TRPV4: variants seen among roughly 807,000 people sequenced by gnomAD.
TRPV4 encodes the protein transient receptor potential cation channel subfamily V member 4.
A neutral mutation model predicts 84.1 loss-of-function variants in TRPV4; 58 were observed. That is an observed-to-expected ratio of 0.69 (90% CI 0.56 to 0.86). The LOEUF (loss-of-function observed/expected upper bound fraction) is 0.86. Ranked by LOEUF, TRPV4 falls within the 40% of genes least tolerant of loss-of-function variation. The probability of loss-of-function intolerance (pLI) is 0.00; values close to 1 mark genes in which losing one functional copy is unlikely to be tolerated. For missense variants in TRPV4, 879 were observed against 1,181.1 expected (o/e 0.74, Z 3.75); for synonymous variants, 489 against 500.9 (o/e 0.98, Z 0.32).
Position 109,814,290 on chromosome 12 carries a change from T to C in TRPV4, c.386+121A>G. 1 of 1,150,056 alleles carries C rather than the reference T, an allele frequency of 8.7e-7. No homozygotes were observed. 71.2% of individuals were successfully genotyped at this position (1,150,056 alleles called of 1,614,324 possible). A position where few individuals can be genotyped will look rare whatever the true frequency, so the allele number is the denominator to read the frequency against. On this transcript the variant is annotated intron_variant, in intron 2 of 15. Coordinates refer to ENST00000261740, the MANE Select transcript of TRPV4 (RefSeq NM_021625.5). The surrounding 1 kb of genome is among the most constrained non-coding windows in gnomAD (Gnocchi z 5.4). Reference sequence around the variant, plus strand: ...ATGGATAGATGTATGGATGGTTGGATGGACAGATGGATGGATGGATGAATC... The same window carrying C: ...ATGGATAGATGTATGGATGGTTGGACGGACAGATGGATGGATGGATGAATC...
At chr12:109,811,610 A>G (rs1264700272) in intron 2 of TRPV4, among the ~76,000 whole-genome samples, 1 of 151,842 alleles carries the variant, frequency 6.6e-6, no homozygotes. Flanking sequence ...GTAAGCCAAG[A>G]TAGCGCCACT....
At position 109,783,762 on chromosome 12, in the gene TRPV4, C is replaced by G; in HGVS notation, c.2475G>C (p.Val825=). ...TGTTCAGTTCCACCACGCGGGGTAC[C>G]ACCGAGGACCAGCGATCTGCACCGA... ...GRLRRDRWSS[V]VPRVVELNKN... Residue 825 remains valine, a synonymous_variant, in exon 16 of 16, where the codon GTG becomes GTC. Coordinates refer to ENST00000261740, the MANE Select transcript of TRPV4 (RefSeq NM_021625.5). The surrounding 1 kb of genome is among the most constrained non-coding windows in gnomAD (Gnocchi z 4.6). 1 of 1,612,620 alleles carries G rather than the reference C, an allele frequency of 6.2e-7. No individual in the cohort carries two copies. Among genetic ancestry groups the G allele is most frequent in the South Asian group, 1.1e-5 (1 of 91,040 alleles).
intron 13 of TRPV4, 60 bp downstream of exon 13, chr12:109,788,340 G>T: frequency 6.5e-7 from 1 of 1,536,862 alleles, no homozygotes; most frequent in Non-Finnish European, 8.9e-7. Flanking sequence ...CAGTCGGGTG[G>T]GTCTCCTCGG....
intron 13 of TRPV4, among the ~76,000 whole-genome samples, 185 bp downstream of exon 13, chr12:109,788,215 A>G (rs1429799039): frequency 1.3e-5 from 2 of 152,234 alleles, no homozygotes; most frequent in African/African-American, 4.8e-5. Context: ...CCACCTCAAA[A>G]TTCACTAGGC....
At chr12:109,794,174 G>A (rs1471939965) in intron 8 of TRPV4, 152 bp from the exon 9 acceptor site, 6 of 1,179,998 alleles carry the variant, frequency 5.1e-6, no homozygotes, top group Non-Finnish European at 7.3e-6. Context: ...CCAGCTCAGG[G>A]CCACCCGTGG....
intron 1 of TRPV4, among the ~76,000 whole-genome samples, chr12:109,823,740 A>G (rs1010263697): frequency 7.9e-5 from 12 of 152,126 alleles, no homozygotes; most frequent in Admixed American, 2.6e-4. Flanking sequence ...ATGTCTGTAC[A>G]ACTCTGAATA....
At chr12:109,818,870 C>A (rs370935949) in intron 1 of TRPV4, among the ~76,000 whole-genome samples, 4 of 152,314 alleles carry the variant, frequency 2.6e-5, no homozygotes, top group South Asian at 4.1e-4. Context: ...TCCACCAAGC[C>A]CCTCTCTCAT....
rs552478250 is a variant in TRPV4 at position 109,783,522 on chromosome 12, G to A, written c.*99C>T. On this transcript the variant is annotated 3_prime_UTR_variant, in exon 16 of 16. Coordinates refer to ENST00000261740, the MANE Select transcript of TRPV4 (RefSeq NM_021625.5). This position sits in a 1 kb window ranked among gnomAD's most constrained non-coding sequence, Gnocchi z 4.6. ...ACCTCCACTGGTCCCTCGCCTCTGG[G>A]GCCAAAGCAGGGTGTGGGGGGACAC... The A allele has an allele frequency of 3.6e-4, 533 of 1,497,322 alleles. No individual in the cohort carries two copies. Among genetic ancestry groups the A allele is most frequent in the Non-Finnish European group, 4.6e-4 (515 of 1,110,798 alleles). The allele number at this position is 1,497,322 out of a possible 1,614,324, so 92.8% of individuals were successfully genotyped here.
rs762216782 is a variant in TRPV4 at position 109,792,456 on chromosome 12, G to A, written c.1825-27C>T. The A allele has an allele frequency of 3.1e-6, 5 of 1,610,936 alleles. No individual in the cohort carries two copies. The South Asian group carries it at 4.4e-5, about 14-fold the overall frequency. On this transcript the variant is annotated intron_variant, in intron 11 of 15. Coordinates refer to ENST00000261740, the MANE Select transcript of TRPV4 (RefSeq NM_021625.5). Reference sequence around the variant, plus strand: ...TAAAGACCCCAGCGGGATTATGGAGGCAAAGAGGAGACACATGGTTTCTCA... The same window carrying A: ...TAAAGACCCCAGCGGGATTATGGAGACAAAGAGGAGACACATGGTTTCTCA...
In TRPV4 at chr12:109,814,106, G is replaced by T. The variant is rs150924929; in HGVS notation, c.386+305C>A. ...GGAGAGATGAATGGATCGATGGATA[G>T]ATGTATGGATGGTTGGATGGATGGA... On this transcript the variant is annotated intron_variant, in intron 2 of 15. Coordinates refer to ENST00000261740, the MANE Select transcript of TRPV4 (RefSeq NM_021625.5). The surrounding 1 kb of genome is among the most constrained non-coding windows in gnomAD (Gnocchi z 5.4). 1.3e-5 allele frequency among the ~76,000 whole-genome samples: 2 copies of T among 152,152 alleles called. No individual in the cohort carries two copies. The highest frequency in any genetic ancestry group is 2.4e-5 in the African/African-American group (1 of 41,488).
chr12:109,794,148 C>CT (rs1890232634), intron 8 of TRPV4, 126 bp from the exon 9 acceptor site: 1 of 1,130,150 alleles, frequency 8.8e-7, no homozygotes, highest in African/African-American at 1.5e-5. Context: ...TCTCTTCCTC[C>CT]TGAGTCTTCC....
chr12:109,793,424 A>G lies in TRPV4; in HGVS notation c.1658+103T>C, dbSNP rs555170185. The stretch of plus-strand genomic sequence containing the variant: ...GGTTAGAGCTGCCCAGGTTGGGTGC[A>G]TTCATTTCTAACAGAATCACCTCTC... On this transcript the variant is annotated intron_variant, in intron 10 of 15. Coordinates refer to ENST00000261740, the MANE Select transcript of TRPV4 (RefSeq NM_021625.5). The surrounding 1 kb of genome is among the most constrained non-coding windows in gnomAD (Gnocchi z 4.0). 1.1e-4 allele frequency: 108 copies of G among 1,027,990 alleles called. 1 individual carries two copies. The African/African-American group carries it at 1.4e-3, about 14-fold the overall frequency. The allele number at this position is 1,027,990 out of a possible 1,614,324, so 63.7% of individuals were successfully genotyped here.
In TRPV4 at chr12:109,796,024, G is replaced by A. The variant is rs1269304154; in HGVS notation, c.1332+501C>T. 6.6e-6 allele frequency among the ~76,000 whole-genome samples: 1 copy of A among 151,908 alleles called. No homozygotes were observed. Among genetic ancestry groups the A allele is most frequent in the Non-Finnish European group, 1.5e-5 (1 of 68,002 alleles). ...TCCGCCCACCTTGGCTCCCCAAAAT[G>A]CTAGAATTACAGGCATAAGCCACCA... On this transcript the variant is annotated intron_variant, in intron 7 of 15. Transcript: ENST00000261740. This position sits in a 1 kb window ranked among gnomAD's most constrained non-coding sequence, Gnocchi z 4.2.
At chr12:109,808,256 C>A (rs911973011) in intron 3 of TRPV4, 40 bp downstream of exon 3, 3 of 1,611,632 alleles carry the variant, frequency 1.9e-6, no homozygotes, top group Non-Finnish European at 2.5e-6. Flanking sequence ...CCCCCACACC[C>A]CTGGCTGTCC....
chr12:109,814,848 A>T lies in TRPV4; in HGVS notation c.-31-21T>A, dbSNP rs1236548894. On this transcript the variant is annotated intron_variant, in intron 1 of 15. Coordinates refer to ENST00000261740, the MANE Select transcript of TRPV4 (RefSeq NM_021625.5). This position sits in a 1 kb window ranked among gnomAD's most constrained non-coding sequence, Gnocchi z 5.4. ...TCAGCCTGCAAGGGAATGAAAGGGG[A>T]GTCAGGCAGAACCCGGCCAGGGGCG... 1 of 1,533,364 alleles carries T rather than the reference A, an allele frequency of 6.5e-7. No individual in the cohort carries two copies. Among genetic ancestry groups the T allele is most frequent in the Non-Finnish European group, 8.7e-7 (1 of 1,146,076 alleles). The allele number at this position is 1,533,364 out of a possible 1,614,324, so 95.0% of individuals were successfully genotyped here.
chr12:109,828,747 C>T (rs1892335290), intron 1 of TRPV4, among the ~76,000 whole-genome samples: 1 of 152,204 alleles, frequency 6.6e-6, no homozygotes, highest in Admixed American at 6.5e-5. Context: ...CAGTGTCACT[C>T]AGATCTGGCT....
intron 7 of TRPV4, 64 bp from the exon 8 acceptor site, chr12:109,794,551 C>T (rs1178337857): frequency 7.6e-6 from 12 of 1,576,828 alleles, no homozygotes; most frequent in Middle Eastern, 1.7e-4. Context: ...AGGCAGGCTG[C>T]CTCGGGTGTG....
At chr12:109,791,238 C>A (rs1890008451) in intron 12 of TRPV4, among the ~76,000 whole-genome samples, 1 of 152,046 alleles carries the variant, frequency 6.6e-6, no homozygotes. Context: ...TAAAACTTAG[C>A]CATGCGTGGT....
intron 1 of TRPV4, among the ~76,000 whole-genome samples, chr12:109,828,965 A>C (rs567524512): frequency 2.6e-5 from 4 of 152,188 alleles, no homozygotes; most frequent in Non-Finnish European, 4.4e-5. Flanking sequence ...CAGGAGGGTT[A>C]CTTGAGCTCT....
Sources: allele counts gnomAD v4.1 joint callset (sites outside exome capture counted in the v4.1 genomes callset), GRCh38; gene constraint gnomAD v4.1.1; non-coding constraint Gnocchi (gnomAD v3.1); transcripts MANE v1.5; gene names NCBI Gene and HGNC (gene_info 2026-07-23, HGNC 2026-07-21).